The following SHROOM2 variants were observed in gnomAD, a reference collection of about 807,000 sequenced individuals.
The protein encoded by SHROOM2 is protein Shroom2.
SHROOM2 carries 33 observed loss-of-function variants against 75.9 expected under a neutral mutation model. The observed-to-expected ratio is 0.43, with a 90% CI of 0.33 to 0.58. The LOEUF is 0.58. Among genes scored for constraint, SHROOM2 ranks in the 20% least tolerant of loss-of-function variants. SHROOM2 has a pLI of 0.04. For synonymous variants in SHROOM2, 655 were observed against 663.6 expected, an observed-to-expected ratio of 0.99 and a Z score of 0.20; for missense variants, 1,434 against 1,461.2, an observed-to-expected ratio of 0.98 and a Z score of 0.30.
intron 1 of SHROOM2, among the ~76,000 whole-genome samples, chrX:9,830,040 C>G (rs1190767763): frequency 2.7e-5 from 3 of 111,549 alleles, no homozygotes; most frequent in African/African-American, 9.8e-5. Flanking sequence ...GTCTTGGGCT[C>G]TGCAAGTCTC....
chrX:9,839,147 A>G (rs2083965996), intron 1 of SHROOM2, among the ~76,000 whole-genome samples: 1 of 111,783 alleles, frequency 8.9e-6, no homozygotes, highest in African/African-American at 3.3e-5. Context: ...CAGGTCACAC[A>G]ATACAGGAGT....
chrX:9,864,221 C>T (rs922557284), intron 1 of SHROOM2, among the ~76,000 whole-genome samples: 3 of 111,242 alleles, frequency 2.7e-5, no homozygotes, highest in Non-Finnish European at 5.7e-5. Context: ...AGTCACTCAC[C>T]GTTATCAGCA....
At chrX:9,824,068 G>A (rs111498546) in intron 1 of SHROOM2, among the ~76,000 whole-genome samples, 24 of 110,687 alleles carry the variant, frequency 2.2e-4, no homozygotes, top group Admixed American at 7.7e-4. Flanking sequence ...ATAACATTTG[G>A]GTATGAAGTG....
chrX:9,935,676 A>T (rs935316788), intron 6 of SHROOM2, among the ~76,000 whole-genome samples: 13 of 111,644 alleles, frequency 1.2e-4, no homozygotes, highest in Non-Finnish European at 1.9e-4. Context: ...CACTGCCTTG[A>T]TAGGGAAAGA....
intron 1 of SHROOM2, among the ~76,000 whole-genome samples, chrX:9,829,433 G>T (rs1464882635): frequency 8.9e-6 from 1 of 112,025 alleles, no homozygotes; most frequent in Non-Finnish European, 1.9e-5. Context: ...TTGCTTTGTT[G>T]GCTAAGAGCT....
intron 1 of SHROOM2, among the ~76,000 whole-genome samples, chrX:9,798,680 A>G (rs2083707121): frequency 8.9e-6 from 1 of 112,000 alleles, no homozygotes; most frequent in Admixed American, 9.6e-5. Flanking sequence ...TTTGTTGTGG[A>G]ATATATTTTT....
At chrX:9,792,351 A>T in intron 1 of SHROOM2, among the ~76,000 whole-genome samples, 1 of 110,511 alleles carries the variant, frequency 9.0e-6, no homozygotes, top group Non-Finnish European at 1.9e-5. Context: ...AAAAAATTGG[A>T]CAAACCTCAT....
chrX:9,842,711 G>T (rs1261295827), intron 1 of SHROOM2, among the ~76,000 whole-genome samples: 1 of 112,384 alleles, frequency 8.9e-6, no homozygotes, highest in African/African-American at 3.2e-5. Flanking sequence ...TTGTCTGGTC[G>T]TTTGAATTCC....
At chrX:9,930,264 C>T (rs917380726) in intron 5 of SHROOM2, among the ~76,000 whole-genome samples, 2 of 111,367 alleles carry the variant, frequency 1.8e-5, no homozygotes, top group African/African-American at 3.3e-5. Flanking sequence ...CACCTGTAAT[C>T]CCAGCACTTG....
chrX:9,816,395 G>A (rs927084751), intron 1 of SHROOM2, among the ~76,000 whole-genome samples: 1 of 112,448 alleles, frequency 8.9e-6, no homozygotes, highest in Admixed American at 9.4e-5. Flanking sequence ...GGCTGTTGAA[G>A]CAAAATTAAA....
At chrX:9,862,342 C>G (rs1249193048) in intron 1 of SHROOM2, among the ~76,000 whole-genome samples, 1 of 110,009 alleles carries the variant, frequency 9.1e-6, no homozygotes, top group Non-Finnish European at 1.9e-5. Flanking sequence ...ATTCTCCCCA[C>G]CCCCTCCAAA....
At chrX:9,789,478 G>T (rs1359762593) in intron 1 of SHROOM2, among the ~76,000 whole-genome samples, 2 of 111,442 alleles carry the variant, frequency 1.8e-5, no homozygotes, top group African/African-American at 6.5e-5. Flanking sequence ...GAGGGGGCAG[G>T]AATAACATCC....
intron 1 of SHROOM2, among the ~76,000 whole-genome samples, chrX:9,850,055 G>A (rs751007905): frequency 2.9e-3 from 319 of 111,402 alleles, no homozygotes; most frequent in Non-Finnish European, 5.4e-3. Flanking sequence ...GCACCTGAGC[G>A]GAGACTGACA....
In SHROOM2 at chrX:9,896,152, C is replaced by T. The variant is rs751384773; in HGVS notation, c.2244C>T (p.Ile748=). 13 of 1,207,001 alleles carry T rather than the reference C, an allele frequency of 1.1e-5. No homozygotes were observed. The highest frequency in any genetic ancestry group is 2.2e-5 in the Admixed American group (1 of 45,685). Residue 748 remains isoleucine (I), a synonymous_variant, in exon 4 of 10, where the codon ATC becomes ATT. Transcript: ENST00000380913. ...GTGGCGGGCCCCACCCGCCCCGCAT[C>T]GGAGGCCGGAGACGGTTCACAGCTG... ...STSGGPHPPR[I]GGRRRFTAEQ... is the part of the protein sequence containing the mutation.
At chrX:9,791,967 T>A (rs1374329303) in intron 1 of SHROOM2, among the ~76,000 whole-genome samples, 1 of 22,370 alleles carries the variant, frequency 4.5e-5, no homozygotes, top group Non-Finnish European at 1.0e-4. Flanking sequence ...AAACTCCATC[T>A]CGAGAATAGA....
intron 1 of SHROOM2, chrX:9,818,926 T>C: frequency 1.8e-6 from 1 of 558,374 alleles, no homozygotes; most frequent in Non-Finnish European, 3.2e-6. Context: ...GTCATCCTCC[T>C]CTTCTTCCAC....
chrX:9,897,348 A>C (rs2084338103), intron 4 of SHROOM2, among the ~76,000 whole-genome samples: 1 of 110,909 alleles, frequency 9.0e-6, no homozygotes, highest in African/African-American at 3.3e-5. Context: ...CCCCTTTGAA[A>C]GCTTTTTCTC....
intron 9 of SHROOM2, among the ~76,000 whole-genome samples, chrX:9,946,093 C>T (rs957170667): frequency 2.7e-5 from 3 of 112,820 alleles, no homozygotes; most frequent in Non-Finnish European, 3.8e-5. Context: ...AGGGTGGCAC[C>T]GTGCCCGAGG....
intron 1 of SHROOM2, among the ~76,000 whole-genome samples, chrX:9,788,201 T>C (rs773848386): frequency 1.5e-4 from 17 of 110,818 alleles, no homozygotes; most frequent in Non-Finnish European, 1.5e-4. Flanking sequence ...AGAATGTGGA[T>C]TAATCCAAGC....
Sources: allele counts gnomAD v4.1 joint callset (sites outside exome capture counted in the v4.1 genomes callset), GRCh38; gene constraint gnomAD v4.1.1; transcripts MANE v1.5; gene names NCBI Gene and HGNC (gene_info 2026-07-23, HGNC 2026-07-21).